TENM2: variants seen among roughly 807,000 people sequenced by gnomAD.
TENM2 encodes the protein teneurin transmembrane protein 2.
Under a neutral mutation model 245.2 loss-of-function variants are expected in TENM2, and 52 were observed. That is an observed-to-expected ratio of 0.21 (90% CI 0.17 to 0.27). TENM2 has a LOEUF of 0.27. Among genes scored for constraint, TENM2 ranks in the 10% least tolerant of loss-of-function variants. The pLI is 1.00. For synonymous variants in TENM2, 1,363 were observed against 1,438.9 expected (o/e 0.95, Z 1.19); for missense variants, 3,046 against 3,666.8 (o/e 0.83, Z 4.37).
chr5:167,089,440 T>C, the TENM2 span, among the ~76,000 whole-genome samples: 6 of 152,342 alleles, frequency 3.9e-5, no homozygotes, highest in South Asian at 2.1e-4. Context: ...TGCTTGGTAA[T>C]GGTTTAATTA....
the TENM2 span, among the ~76,000 whole-genome samples, chr5:167,226,354 C>T: frequency 6.6e-6 from 1 of 151,874 alleles, no homozygotes; most frequent in Non-Finnish European, 1.5e-5. Context: ...TTTCCATTTT[C>T]ATTTGTTCTG....
At chr5:167,230,720 T>G in the TENM2 span, among the ~76,000 whole-genome samples, 9 of 152,052 alleles carry the variant, frequency 5.9e-5, no homozygotes, top group Admixed American at 5.9e-4. Context: ...AAAGCCAGGA[T>G]GGAGATCTAC....
At chr5:167,454,366 T>A (rs993495951) in intron 2 of TENM2, among the ~76,000 whole-genome samples, 53 of 152,148 alleles carry the variant, frequency 3.5e-4, no homozygotes, top group Non-Finnish European at 4.4e-5. Context: ...TGTTGGCTTA[T>A]GTAATTAAGA....
intron 2 of TENM2, among the ~76,000 whole-genome samples, chr5:167,783,202 T>C (rs1158631165): frequency 6.6e-6 from 1 of 151,906 alleles, no homozygotes; most frequent in Non-Finnish European, 1.5e-5. Context: ...CTTTTGTTTT[T>C]GTTTGTGTCT....
intron 4 of TENM2, among the ~76,000 whole-genome samples, chr5:167,956,907 C>G (rs376473707): frequency 1.3e-5 from 2 of 152,192 alleles, no homozygotes; most frequent in African/African-American, 2.4e-5. Flanking sequence ...CATCGATGTT[C>G]AGCAGGGATA....
At chr5:168,013,474 C>T (rs1188503331) in intron 5 of TENM2, among the ~76,000 whole-genome samples, 1 of 152,102 alleles carries the variant, frequency 6.6e-6, no homozygotes, top group East Asian at 1.9e-4. Flanking sequence ...CCTGGTGGCA[C>T]ATGCCTGTAA....
intron 2 of TENM2, among the ~76,000 whole-genome samples, chr5:167,451,109 T>C (rs1310234939): frequency 6.6e-6 from 1 of 152,222 alleles, no homozygotes; most frequent in South Asian, 2.1e-4. Context: ...AATGAAGATG[T>C]ACTTGGTAAC....
chr5:167,979,401 G>A (rs1212003164), intron 4 of TENM2, among the ~76,000 whole-genome samples: 1 of 152,118 alleles, frequency 6.6e-6, no homozygotes, highest in Non-Finnish European at 1.5e-5. Context: ...TGGGCAGAGA[G>A]GTGACAGATA....
At chr5:167,420,341 C>T (rs566683748) in intron 2 of TENM2, among the ~76,000 whole-genome samples, 11 of 152,196 alleles carry the variant, frequency 7.2e-5, no homozygotes, top group South Asian at 2.1e-4. Context: ...ATGTGGACTC[C>T]GGGATGGTGG....
At chr5:167,776,671 T>C (rs1017777054) in intron 2 of TENM2, among the ~76,000 whole-genome samples, 3 of 145,034 alleles carry the variant, frequency 2.1e-5, no homozygotes, top group African/African-American at 7.8e-5. Context: ...ATATTTTTCA[T>C]TAACCTTATG....
At chr5:166,985,680 T>C in the TENM2 span, among the ~76,000 whole-genome samples, 1 of 152,144 alleles carries the variant, frequency 6.6e-6, no homozygotes, top group Non-Finnish European at 1.5e-5. Flanking sequence ...AATTATCCAT[T>C]GGCAAATTTA....
intron 2 of TENM2, among the ~76,000 whole-genome samples, chr5:167,774,704 A>G (rs1561767050): frequency 6.6e-6 from 1 of 152,212 alleles, no homozygotes; most frequent in Non-Finnish European, 1.5e-5. Flanking sequence ...CACTAGGTCA[A>G]GAGGGGATGA....
chr5:167,849,423 C>T (rs1000598194), intron 2 of TENM2, among the ~76,000 whole-genome samples: 1 of 152,192 alleles, frequency 6.6e-6, no homozygotes, highest in African/African-American at 2.4e-5. Context: ...TCCACTCACA[C>T]TCAACACACA....
At chr5:167,161,282 G>A in the TENM2 span, among the ~76,000 whole-genome samples, 1 of 152,190 alleles carries the variant, frequency 6.6e-6, no homozygotes. Flanking sequence ...TTCAGCAGAA[G>A]CCAAGATGGG....
At chr5:167,959,530 CTG>C (rs975973146) in intron 4 of TENM2, among the ~76,000 whole-genome samples, 3 of 152,172 alleles carry the variant, frequency 2.0e-5, no homozygotes, top group African/African-American at 7.2e-5. Flanking sequence ...AGTTCTTGTG[CTG>C]TGTTTTTCAG....
chr5:167,963,904 A>G (rs1026492640), intron 4 of TENM2, among the ~76,000 whole-genome samples: 38 of 152,240 alleles, frequency 2.5e-4, no homozygotes, highest in Non-Finnish European at 5.0e-4. Context: ...TTCTGCATCA[A>G]TGTAAAATAA....
intron 2 of TENM2, among the ~76,000 whole-genome samples, chr5:167,591,164 A>G (rs1775852778): frequency 3.9e-5 from 6 of 152,194 alleles, no homozygotes; most frequent in Admixed American, 3.9e-4. Flanking sequence ...TCTGCAAAGA[A>G]AGGGTTCCTT....
chr5:167,741,768 C>T (rs1206184536), intron 2 of TENM2, among the ~76,000 whole-genome samples: 7 of 152,274 alleles, frequency 4.6e-5, no homozygotes, highest in South Asian at 4.2e-4. Flanking sequence ...ACCTCACTGA[C>T]GCTTCACCAT....
intron 1 of TENM2, among the ~76,000 whole-genome samples, chr5:167,310,701 TAAGA>T (rs1250105070): frequency 3.3e-5 from 5 of 152,120 alleles, no homozygotes; most frequent in African/African-American, 1.2e-4. Flanking sequence ...ACAACTAAAA[TAAGA>T]AAGAATTAAT....
Sources: gnomAD v4.1 joint callset for allele counts (sites outside exome capture counted in the v4.1 genomes callset) on GRCh38, gnomAD v4.1.1 for gene constraint, MANE v1.5 for transcripts, NCBI Gene and HGNC (gene_info 2026-07-23, HGNC 2026-07-21) for gene names.